LRRC8E: variants seen among roughly 807,000 people sequenced by gnomAD.
LRRC8E encodes the protein volume-regulated anion channel subunit LRRC8E.
Under a neutral mutation model 6.1 loss-of-function variants are expected in LRRC8E, and 6 were observed. The observed-to-expected ratio is 0.98, with a 90% confidence interval of 0.54 to 1.93. LRRC8E has a LOEUF of 1.93. LRRC8E is among the 30% of genes most tolerant of loss of function. The pLI is 0.01. For missense variants in LRRC8E, 1,028 were observed against 1,031.4 expected (o/e 1.00, Z 0.04); for synonymous variants, 485 against 472.8 (o/e 1.03, Z -0.33).
rs771147406 is a variant in LRRC8E, at chr19:7,899,175, C to T, written c.653C>T (p.Pro218Leu). 7.4e-6 allele frequency: 12 copies of T among 1,614,110 alleles called. No homozygotes were observed. The highest frequency in any genetic ancestry group is 1.0e-5 in the Non-Finnish European group (12 of 1,180,000). The change falls in exon 3 of 3, where the codon CCA (proline) becomes CTA (leucine). Residue 218 changes from proline to leucine, a missense_variant. Coordinates refer to ENST00000306708, the MANE Select transcript of LRRC8E (RefSeq NM_025061.6). Reference protein sequence around the residue: ...AEPEKVVTEPPVVTLLDKKEG... With the variant: ...AEPEKVVTEPLVVTLLDKKEG... ...CCGGAGAAGGTGGTGACCGAGCCTC[C>T]AGTTGTCACCCTGTTGGACAAGAAG...
At chr19:7,897,657 C>T (rs532811026) in intron 2 of LRRC8E, among the ~76,000 whole-genome samples, 10 of 150,608 alleles carry the variant, frequency 6.6e-5, no homozygotes, top group African/African-American at 1.5e-4. Context: ...CCTGAGCCAC[C>T]GCACCCAGCC....
At chr19:7,894,207 C>T (rs990370393) in intron 1 of LRRC8E, among the ~76,000 whole-genome samples, 2 of 152,142 alleles carry the variant, frequency 1.3e-5, no homozygotes, top group South Asian at 2.1e-4. Context: ...ACTCCTGTCC[C>T]GTTACAGATT....
intron 2 of LRRC8E, among the ~76,000 whole-genome samples, chr19:7,896,490 C>T (rs1048571141): frequency 1.3e-5 from 2 of 151,726 alleles, no homozygotes; most frequent in East Asian, 4.0e-4. Flanking sequence ...AGGAAAATTG[C>T]TTGAACCTGG....
chr19:7,897,484 G>T (rs1199069117), intron 2 of LRRC8E, among the ~76,000 whole-genome samples: 1 of 124,658 alleles, frequency 8.0e-6, no homozygotes. Context: ...GGTCGAGACA[G>T]TTTTTTTTTT....
In LRRC8E at chr19:7,900,485, C is replaced by T. The variant is rs776612988; in HGVS notation, c.1963C>T (p.Leu655=). 1 of 1,612,904 alleles carries T rather than the reference C, an allele frequency of 6.2e-7. No individual in the cohort carries two copies. The highest frequency in any genetic ancestry group is 1.7e-5 in the Admixed American group (1 of 60,002). The change falls in exon 3 of 3, where the codon CTG becomes TTG. Residue 655 remains leucine, a synonymous_variant. Transcript: ENST00000306708. This position sits in a 1 kb window ranked among gnomAD's most constrained non-coding sequence, Gnocchi z 5.0. ...TGAGCACGTGCGGAAGCTCAGGAGC[C>T]TGGAGCAGCTCTACCTCAGCTACAA... ...VPEHVRKLRS[L]EQLYLSYNKL...
rs547143893 is a variant in LRRC8E, at chr19:7,890,684, G to A, written c.-6+2084G>A. ...GGCGCCTGTAGTCCCAGCTACTCGGGAGGCTGAAGCAGGAGAATGGTGTGA... is the reference window on the plus strand; with the variant it reads ...GGCGCCTGTAGTCCCAGCTACTCGGAAGGCTGAAGCAGGAGAATGGTGTGA... On this transcript the variant is annotated intron_variant, in intron 1 of 2. Coordinates refer to ENST00000306708, the MANE Select transcript of LRRC8E (RefSeq NM_025061.6). Among the ~76,000 whole-genome samples the A allele has an allele frequency of 2.1e-3, 323 of 152,000 alleles. 2 individuals carry two copies. The highest frequency in any genetic ancestry group is 7.5e-3 in the African/African-American group (311 of 41,500).
At chr19:7,896,751 G>A (rs1048476397) in intron 2 of LRRC8E, among the ~76,000 whole-genome samples, 2 of 151,896 alleles carry the variant, frequency 1.3e-5, no homozygotes, top group Admixed American at 6.6e-5. Flanking sequence ...ACACCACCAC[G>A]TCCAGCTAAT....
Position 7,895,320 on chromosome 19 carries a change from T to A in LRRC8E, c.-5-279T>A, listed in dbSNP as rs1981521321. 2.5e-6 allele frequency: 1 copy of A among 398,010 alleles called. No homozygotes were observed. The highest frequency in any genetic ancestry group is 3.9e-5 in the East Asian group (1 of 25,354). The allele number at this position is 398,010 out of a possible 1,614,324, so 24.7% of individuals were successfully genotyped here. On this transcript the variant is annotated intron_variant, in intron 1 of 2. Transcript: ENST00000306708. The surrounding 1 kb of genome is among the most constrained non-coding windows in gnomAD (Gnocchi z 4.7). ...TGGAGGGCGGCGGCCCTGTGGACTA[T>A]CCCTCATGTGCTCTTCGAGGTCAGA...
Position 7,901,020 on chromosome 19 carries a change from G to GGA in LRRC8E, c.*108_*109insAG. The GGA allele has an allele frequency of 3.7e-6, 2 of 539,152 alleles. No homozygotes were observed. The highest frequency in any genetic ancestry group is 5.1e-6 in the Non-Finnish European group (2 of 392,066). 33.4% of individuals were successfully genotyped at this position (539,152 alleles called of 1,614,324 possible). ...GCCAAGTGGGTCCAGGCCAGGAGAT[G>GGA]GGGGGGGCGGGGGCAGCTGTGTCAT... On this transcript the variant is annotated 3_prime_UTR_variant, in exon 3 of 3. Transcript: ENST00000306708.
intron 1 of LRRC8E, among the ~76,000 whole-genome samples, chr19:7,892,571 A>G (rs759187388): frequency 6.6e-6 from 1 of 152,164 alleles, no homozygotes; most frequent in African/African-American, 2.4e-5. Context: ...GGAGGACTCA[A>G]TGGATGGCCG....
At position 7,899,242 on chromosome 19, in the gene LRRC8E, GT is replaced by G; in HGVS notation, c.722del (p.Phe241SerfsTer21). On this transcript the variant is annotated frameshift_variant, in exon 3 of 3. Transcript: ENST00000306708. LOFTEE classifies it low-confidence loss of function (END_TRUNC). ...AAGCCCTGTTTGAGAAGGTGAAGAA[GT>G]TCCGCATGCACGTGGAAGAGGGCGA... ...AKALFEKVKK[F>X]RMHVEEGDIL... The G allele has an allele frequency of 6.2e-7, 1 of 1,614,234 alleles. No individual in the cohort carries two copies. Among genetic ancestry groups the G allele is most frequent in the Non-Finnish European group, 8.5e-7 (1 of 1,180,036 alleles).
intron 1 of LRRC8E, among the ~76,000 whole-genome samples, chr19:7,894,570 G>A (rs1021845000): frequency 5.3e-5 from 8 of 152,192 alleles, no homozygotes; most frequent in African/African-American, 1.9e-4. Context: ...GAGGCTCCCA[G>A]GAGTGGGGGA....
chr19:7,890,289 T>G (rs1276123572), intron 1 of LRRC8E, among the ~76,000 whole-genome samples: 1 of 152,136 alleles, frequency 6.6e-6, no homozygotes, highest in Non-Finnish European at 1.5e-5. Context: ...GAGCCAGGGC[T>G]GGTGGGAGCC....
In LRRC8E at chr19:7,895,768, G is replaced by A. The variant is rs1261134882; in HGVS notation, c.138+27G>A. The stretch of plus-strand genomic sequence containing the variant: ...TGAGGCCCTCCCCTGGCAAGGGGGT[G>A]TGACCAGAGGGGCGGGGCAGGTGTC... On this transcript the variant is annotated intron_variant, in intron 2 of 2. Coordinates refer to ENST00000306708, the MANE Select transcript of LRRC8E (RefSeq NM_025061.6). The surrounding 1 kb of genome is among the most constrained non-coding windows in gnomAD (Gnocchi z 4.7). 1 of 1,603,864 alleles carries A rather than the reference G, an allele frequency of 6.2e-7. No homozygotes were observed. Among genetic ancestry groups the A allele is most frequent in the South Asian group, 1.1e-5 (1 of 90,908 alleles).
At chr19:7,893,312 T>C (rs1045906888) in intron 1 of LRRC8E, among the ~76,000 whole-genome samples, 1 of 151,802 alleles carries the variant, frequency 6.6e-6, no homozygotes, top group Non-Finnish European at 1.5e-5. Context: ...GGCTAATTTT[T>C]GTATTTTTAA....
rs1320687891 is a variant in LRRC8E at position 7,898,564 on chromosome 19, G to A, written c.139-97G>A. 9.4e-6 allele frequency: 10 copies of A among 1,059,416 alleles called. No individual in the cohort carries two copies. The Admixed American group carries it at 2.3e-4, about 24-fold the overall frequency. The allele number at this position is 1,059,416 out of a possible 1,614,324, so 65.6% of individuals were successfully genotyped here. A position where few individuals can be genotyped will look rare whatever the true frequency, so the allele number is the denominator to read the frequency against. ...AGTAGAGACAGGGTTTCACCACGTT[G>A]GCCAGGCTGGTCTCGAACTCCTGAC... On this transcript the variant is annotated intron_variant, in intron 2 of 2. Coordinates refer to ENST00000306708, the MANE Select transcript of LRRC8E (RefSeq NM_025061.6).
intron 2 of LRRC8E, among the ~76,000 whole-genome samples, chr19:7,896,192 G>T (rs139897968): frequency 2.8e-3 from 425 of 150,272 alleles, no homozygotes; most frequent in African/African-American, 9.7e-3. Context: ...TGCCTGCCTG[G>T]GCCTCCCAAA....
chr19:7,901,013 A>T lies in LRRC8E; in HGVS notation c.*100A>T. 6.3e-5 allele frequency: 24 copies of T among 378,064 alleles called. No homozygotes were observed. The highest frequency in any genetic ancestry group is 8.2e-5 in the Non-Finnish European group (18 of 220,852). 23.4% of individuals were successfully genotyped at this position (378,064 alleles called of 1,614,324 possible). A position where few individuals can be genotyped will look rare whatever the true frequency, so the allele number is the denominator to read the frequency against. On this transcript the variant is annotated 3_prime_UTR_variant, in exon 3 of 3. Coordinates refer to ENST00000306708, the MANE Select transcript of LRRC8E (RefSeq NM_025061.6). Reference sequence around the variant, plus strand: ...ATAGGAAGCCAAGTGGGTCCAGGCCAGGAGATGGGGGGGGCGGGGGCAGCT... The same window carrying T: ...ATAGGAAGCCAAGTGGGTCCAGGCCTGGAGATGGGGGGGGCGGGGGCAGCT...
intron 1 of LRRC8E, among the ~76,000 whole-genome samples, chr19:7,889,074 C>T (rs1981168338): frequency 1.3e-5 from 2 of 152,132 alleles, no homozygotes; most frequent in African/African-American, 4.8e-5. Flanking sequence ...GCTGGGAATC[C>T]GCAGGCCTGG....
Sources: gnomAD v4.1 joint callset for allele counts (sites outside exome capture counted in the v4.1 genomes callset) on GRCh38, gnomAD v4.1.1 for gene constraint, Gnocchi (gnomAD v3.1) non-coding constraint, MANE v1.5 for transcripts, NCBI Gene and HGNC (gene_info 2026-07-23, HGNC 2026-07-21) for gene names.